Variants in SAMD3 observed in about 807,000 individuals in gnomAD.
The protein encoded by SAMD3 is sterile alpha motif domain containing 3.
SAMD3 carries 63 observed loss-of-function variants against 58.5 expected under a neutral mutation model. The observed-to-expected ratio is 1.08, with a 90% CI of 0.88 to 1.33. The LOEUF (loss-of-function observed/expected upper bound fraction) is 1.33. Ranked by LOEUF, SAMD3 falls within the 40% of genes most tolerant of loss-of-function variation. SAMD3 has a pLI of 0.00. For missense variants in SAMD3, 604 were observed against 608.4 expected (o/e 0.99, Z 0.08); for synonymous variants, 220 against 210.3 (o/e 1.05, Z -0.40).
At chr6:130,157,331 C>G (rs1279538384) in intron 8 of SAMD3, among the ~76,000 whole-genome samples, 1 of 125,358 alleles carries the variant, frequency 8.0e-6, no homozygotes, top group Non-Finnish European at 1.6e-5. Flanking sequence ...TACCAAAAAC[C>G]TAGAGCTAAC....
chr6:130,195,616 C>T (rs1165473363), intron 5 of SAMD3, among the ~76,000 whole-genome samples: 1 of 152,122 alleles, frequency 6.6e-6, no homozygotes, highest in Admixed American at 6.5e-5. Flanking sequence ...TTCCTTTGCA[C>T]CCTTCATCCC....
At chr6:130,242,425 C>A (rs894962640) in intron 2 of SAMD3, among the ~76,000 whole-genome samples, 1 of 152,166 alleles carries the variant, frequency 6.6e-6, no homozygotes, top group Non-Finnish European at 1.5e-5. Flanking sequence ...AAATTATACA[C>A]GAAAAGTTCT....
At chr6:130,192,040 C>T (rs1417244556) in intron 5 of SAMD3, among the ~76,000 whole-genome samples, 1 of 152,208 alleles carries the variant, frequency 6.6e-6, no homozygotes, top group Non-Finnish European at 1.5e-5. Context: ...CACTGCCACA[C>T]TCCTGCCATG....
intron 4 of SAMD3, among the ~76,000 whole-genome samples, chr6:130,213,218 A>C (rs1220060457): frequency 2.6e-5 from 4 of 152,074 alleles, no homozygotes; most frequent in Admixed American, 2.6e-4. Flanking sequence ...GGATTGCTTG[A>C]GCCCAGGAAT....
rs187321542 is a variant in SAMD3 at position 130,186,839 on chromosome 6, C to A, written c.384-2216G>T. On this transcript the variant is annotated intron_variant, in intron 5 of 11. Transcript: ENST00000439090. ...AGGCTGGAGTGCAGTGGTGCAATCT[C>A]GGCTCACTGCAACCTCCGCCTCCCG... 3.5e-5 allele frequency among the ~76,000 whole-genome samples: 5 copies of A among 144,624 alleles called. No homozygotes were observed. In the Admixed American group the frequency reaches 3.5e-4, roughly 10 times the overall value. 94.9% of individuals were successfully genotyped at this position (144,624 alleles called of 152,430 possible). A position where few individuals can be genotyped will look rare whatever the true frequency, so the allele number is the denominator to read the frequency against.
At position 130,233,528 on chromosome 6, in the gene SAMD3, T is replaced by A. The variant is rs557524894; in HGVS notation, c.-187-10715A>T. ...GAAAAGCAAATGAGGTCATCAAGGA[T>A]CCCGAGCTGAACAGAGGAAAAAATG... On this transcript the variant is annotated intron_variant, in intron 2 of 13. Transcript: ENST00000368134. Among the ~76,000 whole-genome samples, 7 of 152,322 alleles carry A rather than the reference T, an allele frequency of 4.6e-5. No individual in the cohort carries two copies. In the South Asian group the frequency reaches 1.5e-3, roughly 32 times the overall value.
intron 6 of SAMD3, 75 bp downstream of exon 6, chr6:130,184,363 G>A (rs529623582): frequency 7.0e-7 from 1 of 1,424,842 alleles, no homozygotes; most frequent in African/African-American, 1.4e-5. Context: ...GAAGAGAGTT[G>A]ATTCCACAGG....
chr6:130,215,542 A>G (rs1795955175), intron 2 of SAMD3: 11 of 1,328,300 alleles, frequency 8.3e-6, no homozygotes, highest in Non-Finnish European at 1.1e-5. Flanking sequence ...ACCTTCTCCT[A>G]CTTTTTTTCC....
intron 9 of SAMD3, among the ~76,000 whole-genome samples, chr6:130,153,393 A>T (rs1429243611): frequency 6.6e-6 from 1 of 152,078 alleles, no homozygotes; most frequent in East Asian, 1.9e-4. Flanking sequence ...TTTGCTACTT[A>T]TGTTTCTATT....
chr6:130,201,950 T>G (rs1308567842), intron 5 of SAMD3, among the ~76,000 whole-genome samples: 1 of 152,242 alleles, frequency 6.6e-6, no homozygotes, highest in African/African-American at 2.4e-5. Context: ...GGTACTCGCT[T>G]ACATATCTGT....
chr6:130,284,265 AT>A (rs1279358746), intron 2 of SAMD3, among the ~76,000 whole-genome samples: 2 of 152,310 alleles, frequency 1.3e-5, no homozygotes, highest in East Asian at 1.9e-4. Flanking sequence ...AAGATGAGTA[AT>A]TTTTATTAGA....
intron 2 of SAMD3, among the ~76,000 whole-genome samples, chr6:130,270,558 A>G (rs975437207): frequency 1.3e-5 from 2 of 152,216 alleles, no homozygotes; most frequent in African/African-American, 4.8e-5. Flanking sequence ...ACAAGCAATA[A>G]TTTGCCTAAG....
At chr6:130,193,190 G>A (rs1484341913) in intron 5 of SAMD3, among the ~76,000 whole-genome samples, 1 of 151,860 alleles carries the variant, frequency 6.6e-6, no homozygotes, top group East Asian at 1.9e-4. Flanking sequence ...CTGGGGGAGG[G>A]GCAAGTACCC....
chr6:130,175,770 T>C, intron 8 of SAMD3, 71 bp downstream of exon 8: 1 of 962,442 alleles, frequency 1.0e-6, no homozygotes, highest in Non-Finnish European at 1.6e-6. Flanking sequence ...TTTTAAATGC[T>C]ATTATTTATT....
chr6:130,298,760 A>G (rs963886460), intron 2 of SAMD3, among the ~76,000 whole-genome samples: 3 of 152,186 alleles, frequency 2.0e-5, no homozygotes, highest in Non-Finnish European at 2.9e-5. Flanking sequence ...AAACATTCAT[A>G]GGCTCAAAAT....
Position 130,144,460 on chromosome 6 carries a change from A to AT in SAMD3, c.*59dup. 6.5e-7 allele frequency: 1 copy of AT among 1,535,664 alleles called. No individual in the cohort carries two copies. On this transcript the variant is annotated 3_prime_UTR_variant, in exon 12 of 12. Coordinates refer to ENST00000439090, the MANE Select transcript of SAMD3 (RefSeq NM_001017373.4). ...TCTACCACAACCCTAAATCAAAACAATTTCTTATGAAGCTTCAGTTTTCCC... is the reference window on the plus strand; with the variant it reads ...TCTACCACAACCCTAAATCAAAACAATTTTCTTATGAAGCTTCAGTTTTCCC...
chr6:130,216,199 C>G (rs372629148), intron 2 of SAMD3, among the ~76,000 whole-genome samples: 22 of 151,856 alleles, frequency 1.4e-4, no homozygotes, highest in African/African-American at 5.1e-4. Context: ...GAAGCTTATT[C>G]CTTGTTTTTG....
intron 1 of SAMD3, among the ~76,000 whole-genome samples, chr6:130,344,825 CAAAAAAAAAAAAAAAAAA>C (rs56795907): frequency 2.4e-5 from 1 of 41,110 alleles, no homozygotes; most frequent in African/African-American, 1.1e-4. Flanking sequence ...ACAACAACAG[CAAAAAAAAAAAAAAAAAA>C]AAAAAAAAAA....
intron 2 of SAMD3, among the ~76,000 whole-genome samples, chr6:130,216,247 G>C (rs1795998012): frequency 6.6e-6 from 1 of 151,938 alleles, no homozygotes. Context: ...ACTTGGAGAG[G>C]GGTGGGGTGG....
Sources: allele counts gnomAD v4.1 joint callset (sites outside exome capture counted in the v4.1 genomes callset), GRCh38; gene constraint gnomAD v4.1.1; transcripts MANE v1.5; gene names NCBI Gene and HGNC (gene_info 2026-07-23, HGNC 2026-07-21).